Variants in SPSB4 observed in about 807,000 individuals in gnomAD.
The protein encoded by SPSB4 is SPRY domain-containing SOCS box protein 4.
Under a neutral mutation model 20.9 loss-of-function variants are expected in SPSB4, and 21 were observed. The ratio of observed to expected loss-of-function variants is 1.01; its 90% CI spans 0.71 to 1.45. The LOEUF (loss-of-function observed/expected upper bound fraction) is 1.45. SPSB4 is among the 40% of genes most tolerant of loss of function. The pLI is 0.00. For synonymous variants in SPSB4, 207 were observed against 183.8 expected (o/e 1.13, Z -1.02); for missense variants, 399 against 399.2 (o/e 1.00, Z 0.00).
intron 2 of SPSB4, among the ~76,000 whole-genome samples, chr3:141,099,069 C>G (rs1365268749): frequency 6.6e-6 from 1 of 152,172 alleles, no homozygotes; most frequent in Admixed American, 6.5e-5. Flanking sequence ...TGAGCATGGA[C>G]CCCTCAGGAC....
intron 1 of SPSB4, among the ~76,000 whole-genome samples, chr3:141,060,582 C>T (rs1274631144): frequency 4.6e-5 from 7 of 152,324 alleles, no homozygotes; most frequent in Non-Finnish European, 1.5e-5. Flanking sequence ...AGTATGTATG[C>T]ATGTGCTGTG....
At chr3:141,089,815 CA>C (rs1329697307) in intron 2 of SPSB4, among the ~76,000 whole-genome samples, 1 of 152,188 alleles carries the variant, frequency 6.6e-6, no homozygotes, top group Non-Finnish European at 1.5e-5. Flanking sequence ...AATCATTTCA[CA>C]ATTTTTGGGT....
At chr3:141,139,012 T>G (rs1020737957) in intron 2 of SPSB4, among the ~76,000 whole-genome samples, 13 of 152,224 alleles carry the variant, frequency 8.5e-5, no homozygotes, top group African/African-American at 2.9e-4. Flanking sequence ...TATGAATCTG[T>G]GTGCTCCTGT....
In SPSB4 at chr3:141,066,472, C is replaced by T. The variant is rs1254237976; in HGVS notation, c.368C>T (p.Pro123Leu). The T allele has an allele frequency of 4.0e-6, 6 of 1,499,738 alleles. No individual in the cohort carries two copies. Among genetic ancestry groups the T allele is most frequent in the Non-Finnish European group, 1.8e-6 (2 of 1,124,374 alleles). 92.9% of individuals were successfully genotyped at this position (1,499,738 alleles called of 1,614,324 possible). Residue 123 changes from proline to leucine, a missense_variant, in exon 2 of 3, where the codon CCC (proline) becomes CTC (leucine). Coordinates refer to ENST00000310546, the MANE Select transcript of SPSB4 (RefSeq NM_080862.3). The part of the protein sequence containing the change: ...AVVGVATARA[P>L]LHSVGYTALV... Reference sequence around the variant, plus strand: ...GTTGGTGTGGCCACGGCCCGTGCTCCCCTGCACTCCGTGGGCTACACGGCG... The same window carrying T: ...GTTGGTGTGGCCACGGCCCGTGCTCTCCTGCACTCCGTGGGCTACACGGCG...
chr3:141,142,803 C>CTTTTTTTTTTTTTTTTTTT (rs57674247), intron 2 of SPSB4, among the ~76,000 whole-genome samples: 1 of 61,992 alleles, frequency 1.6e-5, no homozygotes, highest in African/African-American at 5.1e-5. Context: ...CCCTCTTTGT[C>CTTTTTTTTTTTTTTTTTTT]TTTTTTTTTT....
At chr3:141,142,698 G>C (rs1480746510) in intron 2 of SPSB4, among the ~76,000 whole-genome samples, 1 of 141,076 alleles carries the variant, frequency 7.1e-6, no homozygotes, top group African/African-American at 2.6e-5. Flanking sequence ...AGTCATAATT[G>C]TTTTATAAAT....
intron 2 of SPSB4, among the ~76,000 whole-genome samples, chr3:141,089,763 G>A (rs1473153958): frequency 6.6e-6 from 1 of 152,226 alleles, no homozygotes; most frequent in African/African-American, 2.4e-5. Flanking sequence ...TTTGTCAAAA[G>A]CCAGTTATCT....
At chr3:141,146,772 TAA>T (rs1166026396) in intron 2 of SPSB4, among the ~76,000 whole-genome samples, 64 of 128,018 alleles carry the variant, frequency 5.0e-4, no homozygotes, top group Non-Finnish European at 5.5e-4. Context: ...AGACTCCATC[TAA>T]AAAAAAAAAA....
chr3:141,053,256 A>T (rs1936127695), intron 1 of SPSB4, among the ~76,000 whole-genome samples: 1 of 119,854 alleles, frequency 8.3e-6, no homozygotes, highest in Non-Finnish European at 1.6e-5. Flanking sequence ...TTAAGTCTGG[A>T]AGACGTAAAA....
intron 2 of SPSB4, among the ~76,000 whole-genome samples, chr3:141,101,085 G>T (rs905739743): frequency 1.3e-5 from 2 of 152,180 alleles, no homozygotes; most frequent in African/African-American, 4.8e-5. Flanking sequence ...GATGTGGTAC[G>T]AGTTGTCATG....
intron 2 of SPSB4, among the ~76,000 whole-genome samples, chr3:141,129,599 A>G (rs1939103666): frequency 6.6e-6 from 1 of 152,160 alleles, no homozygotes. Flanking sequence ...ACGCATGCAC[A>G]CATGAGCGAA....
At chr3:141,056,813 G>A (rs922008512) in intron 1 of SPSB4, among the ~76,000 whole-genome samples, 1 of 152,250 alleles carries the variant, frequency 6.6e-6, no homozygotes, top group African/African-American at 2.4e-5. Context: ...GGGCTCAGGG[G>A]CAGCTGTGGT....
intron 2 of SPSB4, among the ~76,000 whole-genome samples, chr3:141,129,547 C>T (rs1410557105): frequency 6.6e-6 from 1 of 152,186 alleles, no homozygotes; most frequent in African/African-American, 2.4e-5. Context: ...CTGCTGATGG[C>T]CTTTCTTGTT....
intron 2 of SPSB4, among the ~76,000 whole-genome samples, chr3:141,145,706 A>T (rs1939401486): frequency 6.6e-6 from 1 of 152,162 alleles, no homozygotes; most frequent in African/African-American, 2.4e-5. Flanking sequence ...ATACTCCTGG[A>T]GGACTGGGGA....
chr3:141,132,652 G>GTATA lies in SPSB4; in HGVS notation c.695-14474_695-14471dup, dbSNP rs61229879. ...GGCTGAGTAGTATTCCAAGGTGTGT[G>GTATA]TATATATATATATATATATTATCAT... On this transcript the variant is annotated intron_variant, in intron 2 of 2. Coordinates refer to ENST00000310546, the MANE Select transcript of SPSB4 (RefSeq NM_080862.3). Among the ~76,000 whole-genome samples the GTATA allele has an allele frequency of 6.6e-3, 974 of 148,598 alleles. 10 individuals are homozygous for GTATA. Among genetic ancestry groups the GTATA allele is most frequent in the African/African-American group, 0.02 (832 of 40,828 alleles).
intron 2 of SPSB4, among the ~76,000 whole-genome samples, chr3:141,074,771 C>T (rs950179895): frequency 2.0e-5 from 3 of 152,202 alleles, no homozygotes; most frequent in South Asian, 2.1e-4. Context: ...GCCGAGGTGG[C>T]GGCCCTGAGG....
At chr3:141,098,578 G>C (rs115638402) in intron 2 of SPSB4, among the ~76,000 whole-genome samples, 1,640 of 152,050 alleles carry the variant, frequency 0.011, 15 homozygotes, top group Middle Eastern at 0.051. Context: ...TTCCTAACTT[G>C]CTATTTGTCT....
Position 141,051,862 on chromosome 3 carries a change from A to G in SPSB4, c.-284A>G, listed in dbSNP as rs1254400950. The G allele has an allele frequency of 6.6e-6, 1 of 151,668 alleles. No individual in the cohort carries two copies. The highest frequency in any genetic ancestry group is 2.4e-5 in the African/African-American group (1 of 41,252). The allele number at this position is 151,668 out of a possible 1,614,324, so 9.4% of individuals were successfully genotyped here. Reference sequence around the variant, plus strand: ...AGGACGCGCCCCTGGCCGTGCGGAGAGAGCCGGCATTTGCGGGTCACTCGG... The same window carrying G: ...AGGACGCGCCCCTGGCCGTGCGGAGGGAGCCGGCATTTGCGGGTCACTCGG... On this transcript the variant is annotated 5_prime_UTR_variant, in exon 1 of 3. Transcript: ENST00000310546.
intron 2 of SPSB4, among the ~76,000 whole-genome samples, chr3:141,072,711 G>C (rs1284996889): frequency 6.6e-6 from 1 of 152,156 alleles, no homozygotes; most frequent in Non-Finnish European, 1.5e-5. Flanking sequence ...ACACAAAACA[G>C]ACTAAAACAT....
Sources: gnomAD v4.1 joint callset for allele counts (sites outside exome capture counted in the v4.1 genomes callset) on GRCh38, gnomAD v4.1.1 for gene constraint, MANE v1.5 for transcripts, NCBI Gene and HGNC (gene_info 2026-07-23, HGNC 2026-07-21) for gene names.